The following BBX variants were observed in gnomAD, a reference collection of about 807,000 sequenced individuals.
BBX encodes the protein BBX high mobility group box domain containing, also known as HMG box transcription factor BBX.
In BBX, 30 loss-of-function variants were observed where a neutral mutation model predicts 100.2. That is an observed-to-expected ratio of 0.30 (90% CI 0.22 to 0.41). The LOEUF (loss-of-function observed/expected upper bound fraction) is 0.41, where lower values mean the gene tolerates loss of function less well. BBX is among the 10% of genes least tolerant of loss of function. The pLI is 1.00. For synonymous variants in BBX, 376 were observed against 388.1 expected, an observed-to-expected ratio of 0.97 and a Z score of 0.37; for missense variants, 1,023 against 1,129.8, an observed-to-expected ratio of 0.91 and a Z score of 1.35.
chr3:107,577,772 G>A (rs186708271), intron 2 of BBX, among the ~76,000 whole-genome samples: 103 of 152,238 alleles, frequency 6.8e-4, no homozygotes, highest in African/African-American at 2.4e-3. Context: ...AATATCAAAT[G>A]AACAAAGGGT....
At chr3:107,693,152 T>G (rs1385248278) in intron 3 of BBX, among the ~76,000 whole-genome samples, 9 of 150,430 alleles carry the variant, frequency 6.0e-5, no homozygotes, top group Admixed American at 5.3e-4. Context: ...GTAGGTTGCC[T>G]GTTCACTCTG....
chr3:107,709,866 G>C (rs545635163), intron 3 of BBX, among the ~76,000 whole-genome samples: 2 of 152,294 alleles, frequency 1.3e-5, no homozygotes, highest in Admixed American at 6.5e-5. Flanking sequence ...GCCATTGCTT[G>C]GCCATTTCTT....
rs534707488 is a variant in BBX, at chr3:107,799,483, A to C, written c.2551+763A>C. 1.4e-4 allele frequency among the ~76,000 whole-genome samples: 22 copies of C among 152,282 alleles called. No individual in the cohort carries two copies. The East Asian group carries it at 3.9e-3, about 27-fold the overall frequency. ...CTAGAAAAGAAAGGTAGTTTTTAGGACTGTCATCTTCCCTTTATCTTTCTC... is the reference window on the plus strand; with the variant it reads ...CTAGAAAAGAAAGGTAGTTTTTAGGCCTGTCATCTTCCCTTTATCTTTCTC... On this transcript the variant is annotated intron_variant, in intron 16 of 17. Coordinates refer to ENST00000325805, the MANE Select transcript of BBX (RefSeq NM_001142568.3).
chr3:107,703,575 A>G (rs560580623), intron 3 of BBX, among the ~76,000 whole-genome samples: 15 of 152,354 alleles, frequency 9.8e-5, no homozygotes, highest in African/African-American at 3.1e-4. Flanking sequence ...CCTTATTAGT[A>G]TTCATGAAGA....
At chr3:107,796,711 G>T (rs2069708332) in intron 15 of BBX, among the ~76,000 whole-genome samples, 1 of 151,040 alleles carries the variant, frequency 6.6e-6, no homozygotes. Flanking sequence ...AGCTTTTATT[G>T]AAGTTTAAAC....
chr3:107,765,577 A>G (rs2066323974), intron 10 of BBX, among the ~76,000 whole-genome samples: 1 of 152,026 alleles, frequency 6.6e-6, no homozygotes. Context: ...CTCCCAAAGC[A>G]TTGGGATTAT....
chr3:107,569,511 G>A (rs1302053652), intron 2 of BBX, among the ~76,000 whole-genome samples: 1 of 152,102 alleles, frequency 6.6e-6, no homozygotes, highest in Non-Finnish European at 1.5e-5. Context: ...TATAGGATTT[G>A]GGTAGGTAGT....
rs533622956 is a variant in BBX, at chr3:107,621,346, C to T, written c.-83-24490C>T. Among the ~76,000 whole-genome samples the T allele has an allele frequency of 3.5e-4, 53 of 152,174 alleles. No individual in the cohort carries two copies. In the South Asian group the frequency reaches 3.5e-3, roughly 10 times the overall value. ...GTTGTTTCTTGGGTCCCCAAAGTCC[C>T]GAGCTTCTCTGCCCTTTTTCTGCCT... On this transcript the variant is annotated intron_variant, in intron 2 of 17. Coordinates refer to ENST00000325805, the MANE Select transcript of BBX (RefSeq NM_001142568.3).
intron 3 of BBX, chr3:107,674,880 A>C (rs975717762): frequency 1.3e-5 from 2 of 152,304 alleles, no homozygotes; most frequent in African/African-American, 4.8e-5. Context: ...GTTTTTAAGA[A>C]GTAACAGGCT....
chr3:107,773,603 A>G lies in BBX; in HGVS notation c.1882A>G (p.Met628Val). Reference sequence around the variant, plus strand: ...TTATAAAACCCTGGTGTCTGAGGGCATGCTCACCTCTCTGCGAGCTAATGT... The same window carrying G: ...TTATAAAACCCTGGTGTCTGAGGGCGTGCTCACCTCTCTGCGAGCTAATGT... ...ALYKTLVSEG[M>V]LTSLRANVDR... is the part of the protein sequence containing the mutation. The change falls in exon 11 of 18, where the codon ATG (methionine) becomes GTG (valine). Residue 628 changes from methionine to valine, a missense_variant. By Grantham distance (21) the Met-to-Val change is conservative. Transcript: ENST00000325805. This position sits in a 1 kb window ranked among gnomAD's most constrained non-coding sequence, Gnocchi z 4.1. The G allele has an allele frequency of 6.2e-7, 1 of 1,613,432 alleles. No individual in the cohort carries two copies. The highest frequency in any genetic ancestry group is 8.5e-7 in the Non-Finnish European group (1 of 1,179,720).
At chr3:107,790,179 T>C (rs188147487) in intron 14 of BBX, among the ~76,000 whole-genome samples, 305 of 152,274 alleles carry the variant, frequency 2.0e-3, no homozygotes, top group African/African-American at 6.8e-3. Context: ...TGACCACTTA[T>C]CCATTTATTT....
rs543156272 is a variant in BBX at position 107,576,296 on chromosome 3, C to T, written c.-84+49898C>T. Among the ~76,000 whole-genome samples, 5 of 152,214 alleles carry T rather than the reference C, an allele frequency of 3.3e-5. No individual in the cohort carries two copies. The South Asian group carries it at 1.0e-3, about 32-fold the overall frequency. Reference sequence around the variant, plus strand: ...GCATCCAGTCTTGCCTTAATATTTGCTTAGAATTAAATAGCTATTTTATGA... The same window carrying T: ...GCATCCAGTCTTGCCTTAATATTTGTTTAGAATTAAATAGCTATTTTATGA... On this transcript the variant is annotated intron_variant, in intron 2 of 17. Transcript: ENST00000325805.
intron 7 of BBX, among the ~76,000 whole-genome samples, chr3:107,737,887 T>TTTTTTTG (rs2063751599): frequency 8.1e-6 from 1 of 122,752 alleles, no homozygotes. Context: ...AGTTCCAGTT[T>TTTTTTTG]TTTTTTTTTT....
chr3:107,798,262 G>A (rs755231086), intron 15 of BBX, among the ~76,000 whole-genome samples: 10 of 152,260 alleles, frequency 6.6e-5, no homozygotes, highest in South Asian at 2.1e-4. Context: ...CCCCACCAAC[G>A]TGCAACACCC....
At chr3:107,613,272 T>C (rs1194337506) in intron 2 of BBX, among the ~76,000 whole-genome samples, 1 of 149,890 alleles carries the variant, frequency 6.7e-6, no homozygotes, top group African/African-American at 2.5e-5. Flanking sequence ...CTACAAGCTC[T>C]GCCTCCCGGG....
chr3:107,630,797 G>T (rs907487909), intron 2 of BBX, among the ~76,000 whole-genome samples: 1 of 152,124 alleles, frequency 6.6e-6, no homozygotes, highest in Non-Finnish European at 1.5e-5. Flanking sequence ...CAGAGAGCAG[G>T]TTTAGACCAA....
At chr3:107,582,584 A>G (rs1380867411) in intron 2 of BBX, among the ~76,000 whole-genome samples, 2 of 152,046 alleles carry the variant, frequency 1.3e-5, no homozygotes, top group African/African-American at 2.4e-5. Context: ...GTTTTTAATC[A>G]TAAGTGGAGA....
At chr3:107,749,344 C>T (rs2064879752) in intron 9 of BBX, among the ~76,000 whole-genome samples, 1 of 152,100 alleles carries the variant, frequency 6.6e-6, no homozygotes, top group South Asian at 2.1e-4. Flanking sequence ...GGAATTTTGC[C>T]ATATTGACTA....
intron 2 of BBX, among the ~76,000 whole-genome samples, chr3:107,583,119 T>C (rs371499802): frequency 2.3e-4 from 35 of 152,000 alleles, no homozygotes; most frequent in African/African-American, 8.4e-4. Context: ...CATATGAAGT[T>C]TAAAGAACTG....
Sources: allele counts gnomAD v4.1 joint callset (sites outside exome capture counted in the v4.1 genomes callset), GRCh38; gene constraint gnomAD v4.1.1; non-coding constraint Gnocchi (gnomAD v3.1); transcripts MANE v1.5; gene names NCBI Gene and HGNC (gene_info 2026-07-23, HGNC 2026-07-21).